The following FBF1 variants were observed in gnomAD, a reference collection of about 807,000 sequenced individuals.
FBF1 encodes fas-binding factor 1.
In FBF1, 119 loss-of-function variants were observed where a neutral mutation model predicts 147.2. The observed-to-expected ratio is 0.81, with a 90% CI of 0.70 to 0.94. FBF1 has a LOEUF of 0.94. FBF1 is among the 40% of genes least tolerant of loss of function. The probability of loss-of-function intolerance (pLI) is 0.00; values close to 1 mark genes in which losing one functional copy is unlikely to be tolerated. For missense variants in FBF1, 1,449 were observed against 1,500.8 expected (o/e 0.97, Z 0.57); for synonymous variants, 601 against 609.0 (o/e 0.99, Z 0.19).
Position 75,928,323 on chromosome 17 carries a change from T to C in FBF1, c.280-130A>G, listed in dbSNP as rs1441187470. ...AAAACAAAGGAAAATGAGAAAACTG[T>C]TGAGAAAAACAGTGAGTGAAGAAAG... On this transcript the variant is annotated intron_variant, in intron 7 of 29. Transcript: ENST00000636174. This position sits in a 1 kb window ranked among gnomAD's most constrained non-coding sequence, Gnocchi z 4.2. The C allele has an allele frequency of 4.1e-6, 3 of 732,822 alleles. No individual in the cohort carries two copies. The highest frequency in any genetic ancestry group is 6.9e-6 in the Non-Finnish European group (3 of 432,002). 45.4% of individuals were successfully genotyped at this position (732,822 alleles called of 1,614,324 possible).
At chr17:75,916,926 C>T (rs2065492431) in intron 23 of FBF1, among the ~76,000 whole-genome samples, 1 of 152,282 alleles carries the variant, frequency 6.6e-6, no homozygotes, top group Non-Finnish European at 1.5e-5. Flanking sequence ...TCTCCACTCA[C>T]TGCAGCCTCT....
rs750190935 is a variant in FBF1, at chr17:75,920,360, C to T, written c.1744G>A (p.Ala582Thr). 4.4e-6 allele frequency: 7 copies of T among 1,605,230 alleles called. No individual in the cohort carries two copies. The highest frequency in any genetic ancestry group is 5.9e-6 in the Non-Finnish European group (7 of 1,176,590). ...STEYQKQLLA[A>T]QVQLQCSPAE... ...GGGCTGCACTGAAGTTGCACCTGTGCTGCCAGGAGCTGCTTCTGGTATTCT... is the reference window on the plus strand; with the variant it reads ...GGGCTGCACTGAAGTTGCACCTGTGTTGCCAGGAGCTGCTTCTGGTATTCT... The change falls in exon 18 of 30, where the codon GCA becomes ACA. Residue 582 changes from alanine (A) to threonine (T), a missense_variant. By Grantham distance (58) the Ala-to-Thr change is moderately conservative. Coordinates refer to ENST00000636174, the MANE Select transcript of FBF1 (RefSeq NM_001319193.2).
At chr17:75,917,107 G>T (rs1031887301) in intron 23 of FBF1, among the ~76,000 whole-genome samples, 15 of 152,152 alleles carry the variant, frequency 9.9e-5, no homozygotes, top group African/African-American at 3.6e-4. Context: ...TTGGACTCCT[G>T]AAGTGCTGGA....
intron 9 of FBF1, among the ~76,000 whole-genome samples, 179 bp from the exon 10 acceptor site, chr17:75,927,056 G>A (rs932869989): frequency 3.3e-5 from 5 of 152,216 alleles, no homozygotes; most frequent in African/African-American, 1.2e-4. Context: ...GACAGGCCGG[G>A]CAAGGAGAGA....
chr17:75,910,032 C>T lies in FBF1; in HGVS notation c.*691G>A, dbSNP rs1327140235. 1 of 661,816 alleles carries T rather than the reference C, an allele frequency of 1.5e-6. No individual in the cohort carries two copies. The highest frequency in any genetic ancestry group is 2.8e-6 in the Non-Finnish European group (1 of 359,180). 41.0% of individuals were successfully genotyped at this position (661,816 alleles called of 1,614,324 possible). A position where few individuals can be genotyped will look rare whatever the true frequency, so the allele number is the denominator to read the frequency against. ...CGTCCCTCCCCACACCCCACCATCG[C>T]CACAGCTCCCTCCGCCGCCGGTGGG... On this transcript the variant is annotated 3_prime_UTR_variant, in exon 30 of 30. Coordinates refer to ENST00000636174, the MANE Select transcript of FBF1 (RefSeq NM_001319193.2). The surrounding 1 kb of genome is among the most constrained non-coding windows in gnomAD (Gnocchi z 4.1).
chr17:75,910,141 G>T lies in FBF1; in HGVS notation c.*582C>A, dbSNP rs3785437. The T allele has an allele frequency of 0.091, 41,010 of 452,202 alleles. 2,266 individuals are homozygous for T. The highest frequency in any genetic ancestry group is 0.12 in the Non-Finnish European group (27,812 of 233,450). The allele number at this position is 452,202 out of a possible 1,614,324, so 28.0% of individuals were successfully genotyped here. A position where few individuals can be genotyped will look rare whatever the true frequency, so the allele number is the denominator to read the frequency against. ...CGGGCAATGCTGGGAATAGGGTGGG[G>T]GCTCTGGGCAAGCCCAGGAGGAGGA... On this transcript the variant is annotated 3_prime_UTR_variant, in exon 30 of 30. Transcript: ENST00000636174. This position sits in a 1 kb window ranked among gnomAD's most constrained non-coding sequence, Gnocchi z 4.1.
At chr17:75,929,964 C>CCCCCCCTTAAAA in intron 7 of FBF1, 33 bp downstream of exon 7, 4 of 1,402,202 alleles carry the variant, frequency 2.9e-6, no homozygotes, top group South Asian at 1.2e-5. Context: ...CACCCACCCC[C>CCCCCCCTTAAAA]AGTTCTAAGA....
At position 75,919,756 on chromosome 17, in the gene FBF1, C is replaced by T. The variant is rs1172132857; in HGVS notation, c.2050G>A (p.Ala684Thr). ...SQCQEAEQAR[A>T]ELTAQHQRRL... ...CGCTGGTGCTGGGCCGTAAGCTCAG[C>T]ACGGGCCTGTTCGGCCTCCTGGCAC... Residue 684 changes from alanine to threonine, a missense_variant, in exon 20 of 30, where the codon GCT becomes ACT. By Grantham distance (58) the Ala-to-Thr change is moderately conservative (BLOSUM62 0). Coordinates refer to ENST00000636174, the MANE Select transcript of FBF1 (RefSeq NM_001319193.2). The surrounding 1 kb of genome is among the most constrained non-coding windows in gnomAD (Gnocchi z 5.0). The T allele has an allele frequency of 2.5e-6, 4 of 1,613,384 alleles. No homozygotes were observed. In the Admixed American group the frequency reaches 6.7e-5, roughly 27 times the overall value.
chr17:75,933,210 T>C (rs1166606814), intron 4 of FBF1, 122 bp from the exon 5 acceptor site: 23 of 656,722 alleles, frequency 3.5e-5, no homozygotes, highest in Non-Finnish European at 5.4e-5. Context: ...TCTGGCCAAA[T>C]AGGCAGGTCC....
chr17:75,931,886 T>C (rs1555614001), intron 5 of FBF1, among the ~76,000 whole-genome samples: 1 of 151,926 alleles, frequency 6.6e-6, no homozygotes, highest in Non-Finnish European at 1.5e-5. Flanking sequence ...TGTGGGGTAT[T>C]CATTCTTATC....
rs1398250346 is a variant in FBF1 at position 75,914,815 on chromosome 17, C to G, written c.2746G>C (p.Glu916Gln). 3 of 1,582,724 alleles carry G rather than the reference C, an allele frequency of 1.9e-6. No homozygotes were observed. The African/African-American group carries it at 4.0e-5, about 21-fold the overall frequency. ...AQQKLSKERA[E>Q]REAERALQVD... ...TGCAATGCCCGCTCGGCCTCGCGCT[C>G]GGCCCGCTCCTTACTCAGCTTTTGC... is the stretch of plus-strand genomic sequence containing the variant. The change falls in exon 25 of 30, where the codon GAG becomes CAG. Residue 916 changes from glutamate (E) to glutamine (Q), a missense_variant. Transcript: ENST00000636174.
intron 1 of FBF1, among the ~76,000 whole-genome samples, chr17:75,940,131 A>C (rs1446865065): frequency 2.0e-5 from 3 of 151,792 alleles, no homozygotes; most frequent in Non-Finnish European, 4.4e-5. Flanking sequence ...TTTTTAGTAG[A>C]GACGGGGTTT....
intron 3 of FBF1, among the ~76,000 whole-genome samples, chr17:75,936,743 T>G (rs2065627655): frequency 6.6e-6 from 1 of 152,016 alleles, no homozygotes; most frequent in Admixed American, 6.6e-5. Context: ...GAACCTATAT[T>G]CTACCTGCCT....
chr17:75,913,736 G>A lies in FBF1; in HGVS notation c.3213C>T (p.Pro1071=), dbSNP rs375618069. The A allele has an allele frequency of 2.5e-6, 4 of 1,601,078 alleles. No homozygotes were observed. The highest frequency in any genetic ancestry group is 3.4e-6 in the Non-Finnish European group (4 of 1,179,234). The change falls in exon 28 of 30, where the codon CCC becomes CCT. Residue 1071 remains proline (P), a synonymous_variant. Coordinates refer to ENST00000636174, the MANE Select transcript of FBF1 (RefSeq NM_001319193.2). Reference sequence around the variant, plus strand: ...TGGAGGCTGCAGGGCCCTGGGCCCTGGGGAACAGACCCACGAGGCTAGAGG... The same window carrying A: ...TGGAGGCTGCAGGGCCCTGGGCCCTAGGGAACAGACCCACGAGGCTAGAGG... ...DLPSSLVGLF[P]RAQGPAASSQ... is the part of the protein sequence containing the mutation.
chr17:75,926,474 C>T (rs1358071617), intron 10 of FBF1, 48 bp from the exon 11 acceptor site: 18 of 1,496,544 alleles, frequency 1.2e-5, no homozygotes, highest in Non-Finnish European at 1.6e-5. Context: ...TTGCCCTCAA[C>T]TGTGATATCT....
rs1157394815 is a variant in FBF1, at chr17:75,909,620, C to T, written c.*1103G>A. The T allele has an allele frequency of 5.8e-6, 3 of 513,702 alleles. No individual in the cohort carries two copies. In the East Asian group the frequency reaches 8.8e-5, roughly 15 times the overall value. 31.8% of individuals were successfully genotyped at this position (513,702 alleles called of 1,614,324 possible). A position where few individuals can be genotyped will look rare whatever the true frequency, so the allele number is the denominator to read the frequency against. On this transcript the variant is annotated 3_prime_UTR_variant, in exon 30 of 30. Coordinates refer to ENST00000636174, the MANE Select transcript of FBF1 (RefSeq NM_001319193.2). ...TAATCTCCCCGGGCCTCAGTTTCTG[C>T]ATGTTTGAAGCAGGGCTAATAGTAC... is the stretch of plus-strand genomic sequence containing the variant.
chr17:75,931,282 G>C lies in FBF1; in HGVS notation c.175C>G (p.Leu59Val), dbSNP rs763477330. Reference protein sequence around the residue: ...PSSKARTKSLLGDDVFSTMAG... With the variant: ...PSSKARTKSLVGDDVFSTMAG... ...ATGGTGCTGAAGACATCATCACCCA[G>C]GAGGGACCTGCAAAGGGGAGGCGTC... Residue 59 changes from leucine to valine, a missense_variant, in exon 6 of 30, where the codon CTG (leucine) becomes GTG (valine). Leu to Val is a conservative substitution (Grantham distance 32, BLOSUM62 1). Coordinates refer to ENST00000636174, the MANE Select transcript of FBF1 (RefSeq NM_001319193.2). 1.9e-6 allele frequency: 3 copies of C among 1,582,900 alleles called. No individual in the cohort carries two copies. The highest frequency in any genetic ancestry group is 1.2e-5 in the South Asian group (1 of 86,220).
intron 2 of FBF1, 105 bp from the exon 3 acceptor site, chr17:75,937,698 G>T (rs1053554996): frequency 3.5e-6 from 4 of 1,159,240 alleles, no homozygotes; most frequent in Non-Finnish European, 5.2e-6. Flanking sequence ...GTAACCAGAG[G>T]CAAGAGCACC....
At chr17:75,935,317 A>G (rs1426492111) in intron 4 of FBF1, among the ~76,000 whole-genome samples, 1 of 152,084 alleles carries the variant, frequency 6.6e-6, no homozygotes, top group East Asian at 1.9e-4. Context: ...GGCGCCCGCC[A>G]CTATGCCCAG....
Sources: allele counts gnomAD v4.1 joint callset (sites outside exome capture counted in the v4.1 genomes callset), GRCh38; gene constraint gnomAD v4.1.1; non-coding constraint Gnocchi (gnomAD v3.1); transcripts MANE v1.5; gene names NCBI Gene and HGNC (gene_info 2026-07-23, HGNC 2026-07-21).